Variants in IL9R observed in about 807,000 individuals in gnomAD.
IL9R encodes the protein interleukin 9 receptor.
IL9R carries 54 observed loss-of-function variants against 56.3 expected under a neutral mutation model. The observed-to-expected ratio is 0.96, with a 90% confidence interval of 0.77 to 1.20. The LOEUF (loss-of-function observed/expected upper bound fraction) is 1.20, where lower values mean the gene tolerates loss of function less well. IL9R is among the 50% of genes most tolerant of loss of function. The probability of loss-of-function intolerance (pLI) is 0.00; values close to 1 mark genes in which losing one functional copy is unlikely to be tolerated. For synonymous variants in IL9R, 212 were observed against 250.2 expected, an observed-to-expected ratio of 0.85 and a Z score of 1.44; for missense variants, 545 against 629.8, an observed-to-expected ratio of 0.87 and a Z score of 1.44.
chrX:156,007,821 T>C (rs1343500534), intron 8 of IL9R: 15 of 601,970 alleles, frequency 2.5e-5, no homozygotes, highest in Non-Finnish European at 3.9e-5. Context: ...TTCTTTTTGT[T>C]CTCAGGTCTC....
intron 6 of IL9R, among the ~76,000 whole-genome samples, chrX:156,005,783 G>A (rs2067891248): frequency 6.6e-6 from 1 of 152,058 alleles, no homozygotes; most frequent in South Asian, 2.1e-4. Flanking sequence ...CCTTAATGGG[G>A]GCTGGACTGA....
Position 156,002,963 on chromosome X carries a change from G to C in IL9R, c.86G>C (p.Cys29Ser), listed in dbSNP as rs745383707. 8.7e-6 allele frequency: 14 copies of C among 1,613,868 alleles called. No homozygotes were observed. The highest frequency in any genetic ancestry group is 1.2e-5 in the Non-Finnish European group (14 of 1,179,832). ...RRDMGTWLLA[C>S]ICICTCVCLG... The stretch of plus-strand genomic sequence containing the variant: ...GACATGGGCACCTGGCTCCTGGCCT[G>C]CATCTGCATCTGCACCTGTGTCTGC... Residue 29 changes from cysteine to serine, a missense_variant, in exon 2 of 9, where the codon TGC becomes TCC. By Grantham distance (112) the Cys-to-Ser change is moderately radical. This residue lies in a region of IL9R where 431 missense variants were observed against 360.0 expected (regional missense o/e 1.20). Coordinates refer to ENST00000244174, the MANE Select transcript of IL9R (RefSeq NM_002186.3).
rs1485726416 is a variant in IL9R at position 156,003,905 on chromosome X, T to C, written c.433+50T>C. On this transcript the variant is annotated intron_variant, in intron 4 of 8. Coordinates refer to ENST00000244174, the MANE Select transcript of IL9R (RefSeq NM_002186.3). Reference sequence around the variant, plus strand: ...GCGGGGCCGCTTGGCAAGAACATCCTGGCTGCTTGGGGGTTTGGAGCAGGG... The same window carrying C: ...GCGGGGCCGCTTGGCAAGAACATCCCGGCTGCTTGGGGGTTTGGAGCAGGG... The C allele has an allele frequency of 3.1e-6, 5 of 1,593,734 alleles. No homozygotes were observed. In the African/African-American group the frequency reaches 6.7e-5, roughly 21 times the overall value.
chrX:156,003,621 G>C (rs1206529120), intron 3 of IL9R, 56 bp from the exon 4 acceptor site: 2 of 1,611,052 alleles, frequency 1.2e-6, no homozygotes, highest in African/African-American at 1.3e-5. Flanking sequence ...CAGGATTGAA[G>C]CAGCTATGCC....
intron 2 of IL9R, 91 bp downstream of exon 2, chrX:156,003,110 A>C: frequency 6.4e-7 from 1 of 1,552,950 alleles, no homozygotes; most frequent in South Asian, 1.1e-5. Context: ...GCCTCTAGGG[A>C]AAGGTTTGGC....
rs761420952 is a variant in IL9R at position 156,003,809 on chromosome X, G to A, written c.387G>A (p.Arg129=). The part of the protein sequence containing the change: ...TITFHHCMSG[R]EQVSLVDPEY... ...CTTTCCACCACTGCATGTCTGGGAG[G>A]GAGCAGGTCAGCCTGGTGGACCCGG... The change falls in exon 4 of 9, where the codon AGG becomes AGA. Residue 129 remains arginine (R), a synonymous_variant. Coordinates refer to ENST00000244174, the MANE Select transcript of IL9R (RefSeq NM_002186.3). 1.9e-6 allele frequency: 3 copies of A among 1,613,914 alleles called. No individual in the cohort carries two copies. The highest frequency in any genetic ancestry group is 2.2e-5 in the East Asian group (1 of 44,882).
chrX:156,002,746 A>G, intron 1 of IL9R, 160 bp from the exon 2 acceptor site: 1 of 984,532 alleles, frequency 1.0e-6, no homozygotes. Context: ...AAGCCTGGAC[A>G]GTGGTCCAGG....
Position 156,003,536 on chromosome X carries a change from C to T in IL9R, c.230C>T (p.Ser77Phe), listed in dbSNP as rs1434210209. Residue 77 changes from serine (S) to phenylalanine (F), a missense_variant, in exon 3 of 9, where the codon TCC becomes TTC. This residue lies in a region of IL9R where 431 missense variants were observed against 360.0 expected (regional missense o/e 1.20). Coordinates refer to ENST00000244174, the MANE Select transcript of IL9R (RefSeq NM_002186.3). ...HWSAPELGQGSSPWLLFTSNQ... is the reference protein window; with the variant it reads ...HWSAPELGQGFSPWLLFTSNQ... ...TCTGCCCCAGAGCTGGGACAGGGCT[C>T]CAGCCCCTGGCTCCTCTTCACCAGG... 1.2e-6 allele frequency: 2 copies of T among 1,612,998 alleles called. No homozygotes were observed. Among genetic ancestry groups the T allele is most frequent in the Admixed American group, 3.3e-5 (2 of 60,020 alleles).
intron 1 of IL9R, among the ~76,000 whole-genome samples, chrX:155,998,400 G>A (rs918153704): frequency 6.6e-6 from 1 of 151,884 alleles, no homozygotes; most frequent in Non-Finnish European, 1.5e-5. Flanking sequence ...TCAGTTTCCT[G>A]GGGTCTGGAT....
intron 1 of IL9R, among the ~76,000 whole-genome samples, chrX:155,998,596 G>T (rs922010232): frequency 2.8e-4 from 42 of 151,934 alleles, no homozygotes; most frequent in African/African-American, 9.9e-4. Flanking sequence ...TTGAGACAGA[G>T]TTTGAGACAG....
At chrX:156,003,391 C>T (rs1194767090) in intron 2 of IL9R, 58 bp from the exon 3 acceptor site, 44 of 1,224,398 alleles carry the variant, frequency 3.6e-5, no homozygotes, top group South Asian at 4.8e-5. Flanking sequence ...CCCCAACCCC[C>T]GAGCTCAGCT....
chrX:156,005,367 G>T lies in IL9R; in HGVS notation c.669G>T (p.Arg223Ser), dbSNP rs147480223. The change falls in exon 6 of 9, where the codon AGG (arginine) becomes AGT (serine). Residue 223 changes from arginine to serine, a missense_variant. Transcript: ENST00000244174. ...ACCCTGGCTTTATCCATGAGGCCAG[G>T]CTGCGTGTCCAGATGGCCACACTGG... is the stretch of plus-strand genomic sequence containing the variant. Reference protein sequence around the residue: ...ELDPGFIHEARLRVQMATLED... With the variant: ...ELDPGFIHEASLRVQMATLED... 3 of 1,612,862 alleles carry T rather than the reference G, an allele frequency of 1.9e-6. No homozygotes were observed. The highest frequency in any genetic ancestry group is 2.2e-5 in the East Asian group (1 of 44,878).
rs374090668 is a variant in IL9R at position 156,006,077 on chromosome X, C to T, written c.782-6C>T. The T allele has an allele frequency of 5.0e-6, 8 of 1,595,618 alleles. No individual in the cohort carries two copies. The highest frequency in any genetic ancestry group is 2.3e-4 in the Middle Eastern group (1 of 4,384). ...GCTCACAGCCCTGGGCCCTTCCTGT[C>T]CACAGGCCCTCTGATCCCACCCTGG... is the stretch of plus-strand genomic sequence containing the variant. On this transcript the variant is annotated splice_polypyrimidine_tract_variant and splice_region_variant and intron_variant, in intron 6 of 8. Transcript: ENST00000244174.
chrX:156,000,739 G>C (rs1467189907), intron 1 of IL9R, among the ~76,000 whole-genome samples: 1 of 152,210 alleles, frequency 6.6e-6, no homozygotes, highest in African/African-American at 2.4e-5. Context: ...TCAAGGATGG[G>C]GGAAGGCAGC....
chrX:156,007,170 G>A (rs1042037184), intron 7 of IL9R, among the ~76,000 whole-genome samples: 111 of 141,090 alleles, frequency 7.9e-4, no homozygotes, highest in African/African-American at 2.8e-3. Context: ...GAGACACTGG[G>A]TGGGGTGGGA....
chrX:156,001,338 G>A, intron 1 of IL9R: 1 of 1,025,254 alleles, frequency 9.8e-7, no homozygotes, highest in Non-Finnish European at 1.6e-6. Context: ...AGGTCCTGGT[G>A]GTGACTCCAA....
chrX:156,001,682 A>AATC (rs1487988405), intron 1 of IL9R, among the ~76,000 whole-genome samples: 8 of 151,832 alleles, frequency 5.3e-5, no homozygotes, highest in African/African-American at 1.7e-4. Context: ...TCCTATCAGT[A>AATC]ATCAGTCTTG....
At chrX:155,999,640 A>T (rs1278471608) in intron 1 of IL9R, among the ~76,000 whole-genome samples, 2 of 152,142 alleles carry the variant, frequency 1.3e-5, no homozygotes, top group South Asian at 4.1e-4. Flanking sequence ...CATTTCCAGC[A>T]CCATTTTCTG....
In IL9R at chrX:156,003,805, G is replaced by A. The variant is rs1015479458; in HGVS notation, c.383G>A (p.Gly128Glu). Residue 128 changes from glycine to glutamate, a missense_variant, in exon 4 of 9, where the codon GGG (glycine) becomes GAG (glutamate). Transcript: ENST00000244174. The stretch of plus-strand genomic sequence containing the variant: ...ATCACTTTCCACCACTGCATGTCTG[G>A]GAGGGAGCAGGTCAGCCTGGTGGAC... ...FTITFHHCMS[G>E]REQVSLVDPE... 1 of 1,613,916 alleles carries A rather than the reference G, an allele frequency of 6.2e-7. No individual in the cohort carries two copies. The highest frequency in any genetic ancestry group is 8.5e-7 in the Non-Finnish European group (1 of 1,179,792).
Sources: gnomAD v4.1 joint callset for allele counts (sites outside exome capture counted in the v4.1 genomes callset) on GRCh38, gnomAD v4.1.1 for gene constraint, gnomAD v4.1.1 regional missense constraint, MANE v1.5 for transcripts, NCBI Gene and HGNC (gene_info 2026-07-23, HGNC 2026-07-21) for gene names.